CNTN4: variants seen among roughly 807,000 people sequenced by gnomAD.
CNTN4 encodes the protein contactin 4, also known as contactin-4.
A neutral mutation model predicts 122.5 loss-of-function variants in CNTN4; 77 were observed. That is an observed-to-expected ratio of 0.63 (90% CI 0.52 to 0.76). The LOEUF (loss-of-function observed/expected upper bound fraction) is 0.76, where lower values mean the gene tolerates loss of function less well. Among genes scored for constraint, CNTN4 ranks in the 30% least tolerant of loss-of-function variants. CNTN4 has a pLI of 0.00. For synonymous variants in CNTN4, 512 were observed against 447.0 expected (o/e 1.15, Z -1.83); for missense variants, 1,256 against 1,259.1 (o/e 1.00, Z 0.04).
chr3:2,585,286 C>T (rs918620790), intron 4 of CNTN4, among the ~76,000 whole-genome samples: 3 of 151,594 alleles, frequency 2.0e-5, no homozygotes, highest in Admixed American at 6.6e-5. Context: ...AGTGGCGATT[C>T]CTCAGGGATC....
At chr3:2,104,159 G>A (rs184414926) in intron 2 of CNTN4, among the ~76,000 whole-genome samples, 11 of 151,918 alleles carry the variant, frequency 7.2e-5, no homozygotes, top group African/African-American at 2.4e-4. Flanking sequence ...CTCACATCCT[G>A]AGAATTTTGC....
chr3:2,858,015 C>G (rs940004201), intron 7 of CNTN4, among the ~76,000 whole-genome samples: 4 of 152,132 alleles, frequency 2.6e-5, no homozygotes, highest in Non-Finnish European at 4.4e-5. Context: ...CCTAAATTGC[C>G]TATAGATTCA....
At chr3:2,170,137 C>G (rs949919612) in intron 2 of CNTN4, among the ~76,000 whole-genome samples, 12 of 151,460 alleles carry the variant, frequency 7.9e-5, no homozygotes, top group African/African-American at 1.9e-4. Context: ...CTGGCTAACA[C>G]GGTGAAACCC....
intron 2 of CNTN4, among the ~76,000 whole-genome samples, chr3:2,192,736 A>G (rs181116008): frequency 3.5e-4 from 53 of 152,296 alleles, no homozygotes; most frequent in Admixed American, 2.2e-3. Context: ...AGCTACACTC[A>G]TGTTTACTTG....
intron 10 of CNTN4, among the ~76,000 whole-genome samples, chr3:2,899,123 A>C (rs186725499): frequency 1.8e-4 from 27 of 152,304 alleles, no homozygotes; most frequent in African/African-American, 6.3e-4. Context: ...AAAAACATAA[A>C]ATTGCTTATA....
intron 3 of CNTN4, among the ~76,000 whole-genome samples, chr3:2,533,808 G>C (rs1192898510): frequency 6.6e-6 from 1 of 152,128 alleles, no homozygotes; most frequent in Non-Finnish European, 1.5e-5. Context: ...CATTCTAACT[G>C]GTGTGAGATG....
rs1395935934 is a variant in CNTN4, at chr3:2,432,603, TGC to T, written c.-89+93372_-89+93373del. 4.6e-5 allele frequency among the ~76,000 whole-genome samples: 7 copies of T among 152,144 alleles called. No homozygotes were observed. In the East Asian group the frequency reaches 1.4e-3, roughly 29 times the overall value. On this transcript the variant is annotated intron_variant, in intron 3 of 24. Transcript: ENST00000418658. ...CTGTGTGTGTGTGTATGTGTGTGTG[TGC>T]GTGTGTGTATGTGTGTATATATATG...
intron 6 of CNTN4, among the ~76,000 whole-genome samples, chr3:2,771,421 G>C (rs2091095249): frequency 1.3e-5 from 2 of 152,136 alleles, no homozygotes; most frequent in Admixed American, 1.3e-4. Context: ...CACATGGTGG[G>C]CAGAATTACC....
rs1272733521 is a variant in CNTN4 at position 2,344,677 on chromosome 3, CT to C, written c.-89+5445del. Among the ~76,000 whole-genome samples the C allele has an allele frequency of 3.3e-5, 5 of 152,262 alleles. No individual in the cohort carries two copies. The East Asian group carries it at 9.7e-4, about 29-fold the overall frequency. On this transcript the variant is annotated intron_variant, in intron 3 of 24. Coordinates refer to ENST00000418658, the MANE Select transcript of CNTN4 (RefSeq NM_175607.3). The stretch of plus-strand genomic sequence containing the variant: ...ATTTCTATTCTAAATATTTTACTGA[CT>C]ACCTCTCTCATATTTCTCAAAATGT...
At chr3:2,298,127 G>T (rs1474256326) in intron 2 of CNTN4, among the ~76,000 whole-genome samples, 2 of 152,158 alleles carry the variant, frequency 1.3e-5, no homozygotes, top group Non-Finnish European at 2.9e-5. Context: ...CAATTAGGTT[G>T]ATAAATGAAG....
chr3:2,742,281 C>T (rs1291622305), intron 5 of CNTN4, among the ~76,000 whole-genome samples: 1 of 152,132 alleles, frequency 6.6e-6, no homozygotes, highest in Non-Finnish European at 1.5e-5. Flanking sequence ...TCCTGCCCCT[C>T]AATTTTGAAA....
At chr3:2,916,131 C>G (rs904777704) in intron 12 of CNTN4, among the ~76,000 whole-genome samples, 8 of 152,168 alleles carry the variant, frequency 5.3e-5, no homozygotes, top group African/African-American at 1.9e-4. Flanking sequence ...GTTAATACTA[C>G]TGTACTGTAC....
chr3:2,590,347 C>T (rs2080409496), intron 4 of CNTN4, among the ~76,000 whole-genome samples: 2 of 152,102 alleles, frequency 1.3e-5, no homozygotes, highest in South Asian at 4.1e-4. Flanking sequence ...ACCTACGCCT[C>T]CTGGGTTCAA....
At chr3:2,142,537 A>G (rs571705019) in intron 2 of CNTN4, among the ~76,000 whole-genome samples, 1 of 151,992 alleles carries the variant, frequency 6.6e-6, no homozygotes, top group South Asian at 2.1e-4. Flanking sequence ...CTAATTTTGT[A>G]TTTTTAGTAG....
At chr3:2,538,568 A>G (rs1472426559) in intron 3 of CNTN4, among the ~76,000 whole-genome samples, 2 of 152,060 alleles carry the variant, frequency 1.3e-5, no homozygotes, top group African/African-American at 4.8e-5. Context: ...CTTGTCTCTA[A>G]TTTGTATTAA....
intron 3 of CNTN4, among the ~76,000 whole-genome samples, chr3:2,500,856 C>T (rs1251758957): frequency 1.3e-5 from 2 of 152,208 alleles, no homozygotes; most frequent in East Asian, 1.9e-4. Flanking sequence ...CCTGTGCAAG[C>T]ATCGTATTTG....
chr3:2,886,661 G>A (rs2093982822), intron 9 of CNTN4, among the ~76,000 whole-genome samples: 1 of 151,526 alleles, frequency 6.6e-6, no homozygotes, highest in Non-Finnish European at 1.5e-5. Flanking sequence ...ACAGGCACCT[G>A]CCACCATGCC....
rs151155380 is a variant in CNTN4, at chr3:2,704,296, CAAAAAAA to C, written c.56-31900_56-31894del. On this transcript the variant is annotated intron_variant, in intron 4 of 24. Coordinates refer to ENST00000418658, the MANE Select transcript of CNTN4 (RefSeq NM_175607.3). ...TGGGTGACAGAGCGAGACTTCATTT[CAAAAAAA>C]AAAAAAAAAAAAAAAAAAGTTGATC... 6.2e-3 allele frequency among the ~76,000 whole-genome samples: 430 copies of C among 69,506 alleles called. 5 individuals are homozygous for C. The highest frequency in any genetic ancestry group is 0.022 in the African/African-American group (380 of 17,428). 45.6% of individuals were successfully genotyped at this position (69,506 alleles called of 152,430 possible).
At chr3:2,433,458 G>T (rs2048149899) in intron 3 of CNTN4, among the ~76,000 whole-genome samples, 1 of 151,046 alleles carries the variant, frequency 6.6e-6, no homozygotes, top group African/African-American at 2.4e-5. Flanking sequence ...TATTTAGGTG[G>T]CTCATTTTTT....
Sources: gnomAD v4.1 joint callset for allele counts (sites outside exome capture counted in the v4.1 genomes callset) on GRCh38, gnomAD v4.1.1 for gene constraint, MANE v1.5 for transcripts, NCBI Gene and HGNC (gene_info 2026-07-23, HGNC 2026-07-21) for gene names.